Variants in IQGAP3 observed in about 807,000 individuals in gnomAD.
IQGAP3 encodes the protein ras GTPase-activating-like protein IQGAP3.
Under a neutral mutation model 208.2 loss-of-function variants are expected in IQGAP3, and 165 were observed. That is an observed-to-expected ratio of 0.79 (90% CI 0.70 to 0.90). IQGAP3 has a LOEUF of 0.90. IQGAP3 is among the 40% of genes least tolerant of loss of function. The pLI is 0.00. For synonymous variants in IQGAP3, 703 were observed against 803.6 expected, an observed-to-expected ratio of 0.87 and a Z score of 2.12; for missense variants, 1,811 against 2,043.1, an observed-to-expected ratio of 0.89 and a Z score of 2.19.
Position 156,527,986 on chromosome 1 carries a change from C to G in IQGAP3, c.4748G>C (p.Gly1583Ala). 6.2e-7 allele frequency: 1 copy of G among 1,614,032 alleles called. No homozygotes were observed. The highest frequency in any genetic ancestry group is 8.5e-7 in the Non-Finnish European group (1 of 1,179,890). ...AAGCTGAAATCGCTCCATGTCCACACCCAGGAACTTGGCATTTACTTCAAA... is the reference window on the plus strand; with the variant it reads ...AAGCTGAAATCGCTCCATGTCCACAGCCAGGAACTTGGCATTTACTTCAAA... ...GKFEVNAKFL[G>A]VDMERFQLHY... is the part of the protein sequence containing the mutation. The change falls in exon 37 of 38, where the codon GGT becomes GCT. Residue 1583 changes from glycine (G) to alanine (A), a missense_variant. Physicochemically the swap from Gly to Ala is moderately conservative, Grantham distance 60. Coordinates refer to ENST00000361170, the MANE Select transcript of IQGAP3 (RefSeq NM_178229.5).
At chr1:156,563,465 TG>T in intron 7 of IQGAP3, 87 bp downstream of exon 7, 2 of 1,345,152 alleles carry the variant, frequency 1.5e-6, no homozygotes, top group South Asian at 2.8e-5. Context: ...GGATGAGAGC[TG>T]GCCAGAACCC....
chr1:156,550,479 C>T (rs1421356262), intron 15 of IQGAP3, 128 bp from the exon 16 acceptor site: 2 of 680,008 alleles, frequency 2.9e-6, no homozygotes, highest in African/African-American at 3.5e-5. Flanking sequence ...GATCTCCACT[C>T]AGCTCTCTGC....
rs766254876 is a variant in IQGAP3, at chr1:156,540,009, G to A, written c.2740-19C>T. 74 of 1,613,806 alleles carry A rather than the reference G, an allele frequency of 4.6e-5. No individual in the cohort carries two copies. In the East Asian group the frequency reaches 1.2e-3, roughly 27 times the overall value. The stretch of plus-strand genomic sequence containing the variant: ...CCACTTCCTGCAGGGGTGGAGGAGC[G>A]GGTGATACAACTAGCCTAGGCCATC... On this transcript the variant is annotated intron_variant, in intron 23 of 37. Coordinates refer to ENST00000361170, the MANE Select transcript of IQGAP3 (RefSeq NM_178229.5).
In IQGAP3 at chr1:156,526,582, C is replaced by T. The variant is rs763244915; in HGVS notation, c.4800G>A (p.Gln1600=). The T allele has an allele frequency of 5.6e-6, 9 of 1,613,612 alleles. No individual in the cohort carries two copies. Among genetic ancestry groups the T allele is most frequent in the Non-Finnish European group, 8.5e-7 (1 of 1,179,614 alleles). ...QLHYQDLLQL[Q]YEGVAVMKLF... ...GTTTCATGACAGCCACACCCTCATA[C>T]TGGAGCTGCAGGAGATCCTAGGAGG... Residue 1600 remains glutamine, a synonymous_variant, in exon 38 of 38, where the codon CAG becomes CAA. Coordinates refer to ENST00000361170, the MANE Select transcript of IQGAP3 (RefSeq NM_178229.5).
At chr1:156,556,933 T>TGTCATGGCAGAGGGTGAGTTC (rs770984633) in intron 11 of IQGAP3, among the ~76,000 whole-genome samples, 35,358 of 44,928 alleles carry the variant, frequency 0.79, 17,020 homozygotes, top group Non-Finnish European at 0.99. Context: ...TAGCTCAGCC[T>TGTCATGGCAGAGGGTGAGTTC]CTGCCCCGCC....
rs193083591 is a variant in IQGAP3 at position 156,561,039 on chromosome 1, T to A, written c.1042-18A>T. 185 of 1,581,796 alleles carry A rather than the reference T, an allele frequency of 1.2e-4. No individual in the cohort carries two copies. The East Asian group carries it at 3.9e-3, about 33-fold the overall frequency. ...CCCAGCTCCTAAGAGAGGGAAGAGA[T>A]ACAGTAGAATGGAGTCCTTCCGGGG... On this transcript the variant is annotated intron_variant, in intron 10 of 37. Transcript: ENST00000361170.
chr1:156,528,410 A>G, intron 36 of IQGAP3, 99 bp downstream of exon 36: 1 of 823,338 alleles, frequency 1.2e-6, no homozygotes, highest in Admixed American at 2.3e-5. Flanking sequence ...CAAGATCGGG[A>G]CCATGCTTCT....
chr1:156,566,861 C>G (rs1778824), intron 2 of IQGAP3, among the ~76,000 whole-genome samples: 3 of 147,422 alleles, frequency 2.0e-5, no homozygotes, highest in African/African-American at 7.7e-5. Context: ...TAGTTACATG[C>G]TTTTTTTTTT....
intron 11 of IQGAP3, among the ~76,000 whole-genome samples, chr1:156,559,792 G>A (rs1336209377): frequency 6.6e-6 from 1 of 152,214 alleles, no homozygotes; most frequent in African/African-American, 2.4e-5. Context: ...AGCTGGGGAT[G>A]AACTCTGGAA....
At chr1:156,559,775 A>G (rs1347140023) in intron 11 of IQGAP3, among the ~76,000 whole-genome samples, 1 of 152,208 alleles carries the variant, frequency 6.6e-6, no homozygotes, top group African/African-American at 2.4e-5. Flanking sequence ...TGGAATGTGA[A>G]CAGAAGAGCT....
At chr1:156,568,138 T>C (rs1266182403) in intron 2 of IQGAP3, among the ~76,000 whole-genome samples, 1 of 152,176 alleles carries the variant, frequency 6.6e-6, no homozygotes, top group Non-Finnish European at 1.5e-5. Flanking sequence ...TATTGCAGTA[T>C]ATAAGGGGTA....
Position 156,531,143 on chromosome 1 carries a change from C to T in IQGAP3, c.4191+17G>A, listed in dbSNP as rs1042870469. 2 of 1,587,808 alleles carry T rather than the reference C, an allele frequency of 1.3e-6. No homozygotes were observed. Among genetic ancestry groups the T allele is most frequent in the African/African-American group, 1.3e-5 (1 of 74,484 alleles). On this transcript the variant is annotated intron_variant, in intron 33 of 37. Coordinates refer to ENST00000361170, the MANE Select transcript of IQGAP3 (RefSeq NM_178229.5). ...GGATGAATGAGACAGAACCTGTGGG[C>T]CAGCCCGGCTACTCACTTGCTCTCT... is the stretch of plus-strand genomic sequence containing the variant.
At position 156,548,471 on chromosome 1, in the gene IQGAP3, C is replaced by A; in HGVS notation, c.2010G>T (p.Trp670Cys). 1 of 1,613,624 alleles carries A rather than the reference C, an allele frequency of 6.2e-7. No individual in the cohort carries two copies. Among genetic ancestry groups the A allele is most frequent in the Non-Finnish European group, 8.5e-7 (1 of 1,179,828 alleles). Residue 670 changes from tryptophan (W) to cysteine (C), a missense_variant, in exon 18 of 38, where the codon TGG (tryptophan) becomes TGT (cysteine). By Grantham distance (215) the Trp-to-Cys change is radical. Coordinates refer to ENST00000361170, the MANE Select transcript of IQGAP3 (RefSeq NM_178229.5). ...KKQRPADTAF[W>C]VQHDMKDGTA... ...TGCCATCCTTCATGTCATGTTGAAC[C>A]CAGAAAGCTGTGTCTGCTAAGCAGA...
Position 156,556,626 on chromosome 1 carries a change from C to T in IQGAP3, c.1197G>A (p.Glu399=), listed in dbSNP as rs368519310. ...GCAGCTGGGCCTCAGGGCACATCAGCTCCTTCACAGTGTCAGCCGCCACTC... is the reference window on the plus strand; with the variant it reads ...GCAGCTGGGCCTCAGGGCACATCAGTTCCTTCACAGTGTCAGCCGCCACTC... The part of the protein sequence containing the change: ...RRRVAADTVK[E]LMCPEAQLPP... The change falls in exon 12 of 38, where the codon GAG becomes GAA. Residue 399 remains glutamate (E), a synonymous_variant. Coordinates refer to ENST00000361170, the MANE Select transcript of IQGAP3 (RefSeq NM_178229.5). 1.9e-6 allele frequency: 3 copies of T among 1,611,574 alleles called. No individual in the cohort carries two copies. The highest frequency in any genetic ancestry group is 2.5e-6 in the Non-Finnish European group (3 of 1,178,412).
rs752761424 is a variant in IQGAP3, at chr1:156,540,697, G to A, written c.2739+11C>T. On this transcript the variant is annotated intron_variant, in intron 23 of 37. Coordinates refer to ENST00000361170, the MANE Select transcript of IQGAP3 (RefSeq NM_178229.5). ...AGATCTCGGGGAGGGGAGGACTGGT[G>A]GGCCCCATACCTGCAGAGTGATCCG... is the stretch of plus-strand genomic sequence containing the variant. The A allele has an allele frequency of 1.6e-5, 25 of 1,609,868 alleles. No individual in the cohort carries two copies. The highest frequency in any genetic ancestry group is 2.0e-5 in the Non-Finnish European group (24 of 1,176,640).
In IQGAP3 at chr1:156,552,069, C is replaced by T. The variant is rs200833451; in HGVS notation, c.1475G>A (p.Arg492Gln). ...GTCCTCACCCATCCCACGCTCCTGT[C>T]GCAATTTCAGCAGGGCATCGAAGTA... ...QRYFDALLKL[R>Q]QERGMGEDFL... Residue 492 changes from arginine (R) to glutamine (Q), a missense_variant, in exon 14 of 38, where the codon CGA (arginine) becomes CAA (glutamine). By Grantham distance (43) the Arg-to-Gln change is conservative. Coordinates refer to ENST00000361170, the MANE Select transcript of IQGAP3 (RefSeq NM_178229.5). 2.4e-5 allele frequency: 38 copies of T among 1,614,004 alleles called. No individual in the cohort carries two copies. The highest frequency in any genetic ancestry group is 6.7e-5 in the Admixed American group (4 of 60,004).
At chr1:156,561,696 G>T (rs1676155993) in intron 10 of IQGAP3, 142 bp downstream of exon 10, 1 of 810,398 alleles carries the variant, frequency 1.2e-6, no homozygotes, top group Non-Finnish European at 2.0e-6. Context: ...GGTCTACTAG[G>T]CCTTGGGGTG....
intron 37 of IQGAP3, among the ~76,000 whole-genome samples, chr1:156,527,074 G>T (rs550047770): frequency 1.3e-5 from 2 of 150,892 alleles, no homozygotes; most frequent in Admixed American, 1.3e-4. Context: ...CTCGTGATCC[G>T]CCCGCCTCGG....
chr1:156,569,492 G>T (rs114437440), intron 1 of IQGAP3, 29 bp from the exon 2 acceptor site: 6 of 1,184,436 alleles, frequency 5.1e-6, no homozygotes, highest in African/African-American at 1.5e-5. Context: ...TAAGGTCAAT[G>T]AAGAGAGCAT....
Sources: allele counts gnomAD v4.1 joint callset (sites outside exome capture counted in the v4.1 genomes callset), GRCh38; gene constraint gnomAD v4.1.1; transcripts MANE v1.5; gene names NCBI Gene and HGNC (gene_info 2026-07-23, HGNC 2026-07-21).